IMPDH1: variants seen among roughly 807,000 people sequenced by gnomAD.
The protein encoded by IMPDH1 is inosine-5'-monophosphate dehydrogenase 1.
Under a neutral mutation model 73.5 loss-of-function variants are expected in IMPDH1, and 41 were observed. The observed-to-expected ratio is 0.56, with a 90% CI of 0.43 to 0.72. The LOEUF (loss-of-function observed/expected upper bound fraction) is 0.72. Among genes scored for constraint, IMPDH1 ranks in the 30% least tolerant of loss-of-function variants. IMPDH1 has a pLI of 0.00. For synonymous variants in IMPDH1, 318 were observed against 334.3 expected (o/e 0.95, Z 0.53); for missense variants, 645 against 824.8 (o/e 0.78, Z 2.67).
rs1177384159 is a variant in IMPDH1 at position 128,394,028 on chromosome 7, G to A, written c.1778+250C>T. On this transcript the variant is annotated intron_variant, in intron 16 of 16. Coordinates refer to ENST00000338791, the MANE Select transcript of IMPDH1 (RefSeq NM_000883.4). The surrounding 1 kb of genome is among the most constrained non-coding windows in gnomAD (Gnocchi z 5.5). ...GGCTGGGAGTCCAGGTGCAGTGACT[G>A]GCCACACCTCCTGTGCCCTGCTCGG... Among the ~76,000 whole-genome samples the A allele has an allele frequency of 1.3e-5, 2 of 152,148 alleles. No individual in the cohort carries two copies. The highest frequency in any genetic ancestry group is 4.8e-5 in the African/African-American group (2 of 41,432).
chr7:128,398,408 C>A lies in IMPDH1; in HGVS notation c.1074+6G>T, dbSNP rs61751224. ...ATCTCCCCCACCACTCAGGCGGGGG[C>A]CTTACCAAGACTATGACGTCGACGC... On this transcript the variant is annotated splice_donor_region_variant and intron_variant, in intron 10 of 16. Coordinates refer to ENST00000338791, the MANE Select transcript of IMPDH1 (RefSeq NM_000883.4). The surrounding 1 kb of genome is among the most constrained non-coding windows in gnomAD (Gnocchi z 4.3). 5.7e-4 allele frequency: 913 copies of A among 1,612,340 alleles called. 1 individual carries two copies. The highest frequency in any genetic ancestry group is 5.1e-3 in the African/African-American group (381 of 75,034).
At chr7:128,405,020 G>C (rs76680115) in intron 4 of IMPDH1, among the ~76,000 whole-genome samples, 10,280 of 152,262 alleles carry the variant, frequency 0.068, 738 homozygotes, top group East Asian at 0.23. Context: ...GCTTTTGACT[G>C]GCCAGCATCC....
chr7:128,401,028 G>A lies in IMPDH1; in HGVS notation c.491C>T (p.Ala164Val). 2 of 1,613,688 alleles carry A rather than the reference G, an allele frequency of 1.2e-6. No homozygotes were observed. Among genetic ancestry groups the A allele is most frequent in the Non-Finnish European group, 1.7e-6 (2 of 1,179,564 alleles). The change falls in exon 6 of 17, where the codon GCC becomes GTC. Residue 164 changes from alanine (A) to valine (V), a missense_variant. Transcript: ENST00000338791. ...PMDTVTEADM[A>V]IAMALMGGIG... ...TGTGTAACTCACAGCCATGGCAATGGCCATGTCAGCCTCTGTCACAGTGTC... is the reference window on the plus strand; with the variant it reads ...TGTGTAACTCACAGCCATGGCAATGACCATGTCAGCCTCTGTCACAGTGTC...
chr7:128,397,411 C>T (rs1798002044), intron 10 of IMPDH1, among the ~76,000 whole-genome samples: 1 of 152,184 alleles, frequency 6.6e-6, no homozygotes, highest in Admixed American at 6.5e-5. Flanking sequence ...GGCGACTGTT[C>T]CTCAATGGAC....
chr7:128,398,355 A>T lies in IMPDH1; in HGVS notation c.1074+59T>A. 2 of 1,430,896 alleles carry T rather than the reference A, an allele frequency of 1.4e-6. No individual in the cohort carries two copies. Among genetic ancestry groups the T allele is most frequent in the Non-Finnish European group, 2.0e-6 (2 of 1,016,946 alleles). The allele number at this position is 1,430,896 out of a possible 1,614,324, so 88.6% of individuals were successfully genotyped here. On this transcript the variant is annotated intron_variant, in intron 10 of 16. Transcript: ENST00000338791. This position sits in a 1 kb window ranked among gnomAD's most constrained non-coding sequence, Gnocchi z 4.3. ...TCAGAGGTGAACCTGGGTCCTCATA[A>T]ACCTCCACTCTGCTGAACCACTCAT...
At chr7:128,403,289 GAATCACCCCTGT>G (rs1798463172) in intron 5 of IMPDH1, among the ~76,000 whole-genome samples, 1 of 152,200 alleles carries the variant, frequency 6.6e-6, no homozygotes, top group Admixed American at 6.5e-5. Context: ...CAGCTGGGTG[GAATCACCCCTGT>G]AATCACAGCG....
chr7:128,405,859 C>T lies in IMPDH1; in HGVS notation c.261G>A (p.Ala87=), dbSNP rs1287164385. The T allele has an allele frequency of 2.6e-6, 4 of 1,527,822 alleles. No homozygotes were observed. The highest frequency in any genetic ancestry group is 3.5e-6 in the Non-Finnish European group (4 of 1,139,256). 94.6% of individuals were successfully genotyped at this position (1,527,822 alleles called of 1,614,324 possible). The change falls in exon 4 of 17, where the codon GCG becomes GCA. Residue 87 remains alanine, a synonymous_variant. Coordinates refer to ENST00000338791, the MANE Select transcript of IMPDH1 (RefSeq NM_000883.4). ...QMDRLRRASM[A]DYLISGGTGY... ...CGGTGCCGCCGCTGATCAGGTAGTC[C>T]GCCATGCTGCCGCGAGACCCCGCGA...
At position 128,398,336 on chromosome 7, in the gene IMPDH1, G is replaced by T; in HGVS notation, c.1074+78C>A. 1 of 1,170,540 alleles carries T rather than the reference G, an allele frequency of 8.5e-7. No homozygotes were observed. The highest frequency in any genetic ancestry group is 1.3e-6 in the Non-Finnish European group (1 of 784,152). 72.5% of individuals were successfully genotyped at this position (1,170,540 alleles called of 1,614,324 possible). A position where few individuals can be genotyped will look rare whatever the true frequency, so the allele number is the denominator to read the frequency against. ...GGGAGGGGCACAGGCTTAATCAGAG[G>T]TGAACCTGGGTCCTCATAAACCTCC... On this transcript the variant is annotated intron_variant, in intron 10 of 16. Transcript: ENST00000338791. The surrounding 1 kb of genome is among the most constrained non-coding windows in gnomAD (Gnocchi z 4.3).
chr7:128,399,445 G>A (rs1798160005), intron 9 of IMPDH1, among the ~76,000 whole-genome samples: 1 of 151,624 alleles, frequency 6.6e-6, no homozygotes, highest in Non-Finnish European at 1.5e-5. Context: ...GGGAGGCCCA[G>A]GAGGGCAGAT....
At chr7:128,399,619 G>A (rs1798174008) in intron 9 of IMPDH1, among the ~76,000 whole-genome samples, 2 of 151,766 alleles carry the variant, frequency 1.3e-5, no homozygotes, top group South Asian at 2.1e-4. Context: ...CCCAGGAGGC[G>A]AGGGTTGCAG....
rs3793167 is a variant in IMPDH1, at chr7:128,401,790, G to A, written c.403-674C>T. ...CAGGAAAGCAAGCAACGAATGGTCT[G>A]GAGCTCAGGAGAGTGGTCAGGATTG... is the stretch of plus-strand genomic sequence containing the variant. On this transcript the variant is annotated intron_variant, in intron 5 of 16. Transcript: ENST00000338791. 1.6e-4 allele frequency among the ~76,000 whole-genome samples: 25 copies of A among 152,306 alleles called. No homozygotes were observed. In the East Asian group the frequency reaches 4.8e-3, roughly 29 times the overall value.
intron 3 of IMPDH1, among the ~76,000 whole-genome samples, chr7:128,407,072 G>C (rs905001973): frequency 6.6e-6 from 1 of 152,196 alleles, no homozygotes; most frequent in Non-Finnish European, 1.5e-5. Flanking sequence ...GCTCTTCCCA[G>C]ACCAAGAGTG....
rs72624973 is a variant in IMPDH1, at chr7:128,392,870, C to T, written c.*137G>A. ...AGGGGCAGCAGTCCCCTCAGGACCT[C>T]CCCTCCTCTCTGCCTGGAAAGGAGC... On this transcript the variant is annotated 3_prime_UTR_variant, in exon 17 of 17. Transcript: ENST00000338791. The T allele has an allele frequency of 1.2e-6, 1 of 837,732 alleles. No individual in the cohort carries two copies. The highest frequency in any genetic ancestry group is 1.7e-5 in the African/African-American group (1 of 60,272). The allele number at this position is 837,732 out of a possible 1,614,324, so 51.9% of individuals were successfully genotyped here. A position where few individuals can be genotyped will look rare whatever the true frequency, so the allele number is the denominator to read the frequency against.
At chr7:128,397,154 T>C in intron 10 of IMPDH1, 132 bp from the exon 11 acceptor site, 1 of 496,110 alleles carries the variant, frequency 2.0e-6, no homozygotes, top group South Asian at 2.1e-5. Flanking sequence ...TCTGGTTGTT[T>C]TTTTTTTTTT....
At chr7:128,407,624 A>G (rs1798864351) in intron 3 of IMPDH1, among the ~76,000 whole-genome samples, 1 of 152,218 alleles carries the variant, frequency 6.6e-6, no homozygotes, top group African/African-American at 2.4e-5. Context: ...TGCCAACTGC[A>G]GGCACAGAGC....
Position 128,394,954 on chromosome 7 carries a change from C to T in IMPDH1, c.1485G>A (p.Lys495=), listed in dbSNP as rs754865617. Residue 495 remains lysine (K), a synonymous_variant, in exon 14 of 17, where the codon AAG becomes AAA. Transcript: ENST00000338791. This position sits in a 1 kb window ranked among gnomAD's most constrained non-coding sequence, Gnocchi z 5.5. The part of the protein sequence containing the change: ...YFFSDGVRLK[K]YRGMGSLDAM... ...CATCCAGTGAGCCCATGCCCCGGTA[C>T]TTCTTGAGCCGCACCCCGTCTGAGA... The T allele has an allele frequency of 6.2e-7, 1 of 1,613,872 alleles. No individual in the cohort carries two copies. The highest frequency in any genetic ancestry group is 1.1e-5 in the South Asian group (1 of 91,086).
chr7:128,400,578 G>GCC, intron 7 of IMPDH1, 39 bp from the exon 8 acceptor site: 1 of 1,578,436 alleles, frequency 6.3e-7, no homozygotes, highest in Non-Finnish European at 8.7e-7. Context: ...CTGGAAGAAA[G>GCC]CCAGGGATGA....
At position 128,398,555 on chromosome 7, in the gene IMPDH1, G is replaced by A. The variant is rs1225494643; in HGVS notation, c.933C>T (p.Asp311=). 10 of 1,613,328 alleles carry A rather than the reference G, an allele frequency of 6.2e-6. No homozygotes were observed. The highest frequency in any genetic ancestry group is 8.5e-6 in the Non-Finnish European group (10 of 1,179,470). The change falls in exon 10 of 17, where the codon GAC becomes GAT. Residue 311 remains aspartate, a synonymous_variant. Coordinates refer to ENST00000338791, the MANE Select transcript of IMPDH1 (RefSeq NM_000883.4). This position sits in a 1 kb window ranked among gnomAD's most constrained non-coding sequence, Gnocchi z 4.3. The part of the protein sequence containing the change: ...DELVAIIART[D]LKKNRDYPLA... Reference sequence around the variant, plus strand: ...GAGGGTAGTCTCGGTTCTTCTTCAGGTCGGTGCGGGCGATGATGGCCACCA... The same window carrying A: ...GAGGGTAGTCTCGGTTCTTCTTCAGATCGGTGCGGGCGATGATGGCCACCA...
intron 3 of IMPDH1, among the ~76,000 whole-genome samples, chr7:128,406,401 A>G (rs1798784066): frequency 6.9e-6 from 1 of 145,852 alleles, no homozygotes; most frequent in Admixed American, 6.8e-5. Flanking sequence ...CCGTTCCCCA[A>G]TCCCCAATAC....
Sources: allele counts gnomAD v4.1 joint callset (sites outside exome capture counted in the v4.1 genomes callset), GRCh38; gene constraint gnomAD v4.1.1; non-coding constraint Gnocchi (gnomAD v3.1); transcripts MANE v1.5; gene names NCBI Gene and HGNC (gene_info 2026-07-23, HGNC 2026-07-21).